Variants in TASOR2 observed in about 807,000 individuals in gnomAD.
TASOR2 encodes the protein protein TASOR 2.
In TASOR2, 84 loss-of-function variants were observed where a neutral mutation model predicts 199.5. That is an observed-to-expected ratio of 0.42 (90% CI 0.35 to 0.50). The LOEUF (loss-of-function observed/expected upper bound fraction) is 0.50, where lower values mean the gene tolerates loss of function less well. TASOR2 is among the 20% of genes least tolerant of loss of function. The pLI is 0.02. For synonymous variants in TASOR2, 1,103 were observed against 1,046.6 expected (o/e 1.05, Z -1.04); for missense variants, 2,796 against 2,835.9 (o/e 0.99, Z 0.32).
intron 2 of TASOR2, among the ~76,000 whole-genome samples, chr10:5,716,339 A>G (rs1832627937): frequency 1.3e-5 from 2 of 152,200 alleles, no homozygotes; most frequent in Non-Finnish European, 2.9e-5. Flanking sequence ...ACATACATGT[A>G]CAAGTTTTTG....
rs1051171114 is a variant in TASOR2 at position 5,753,572 on chromosome 10, G to A, written c.6607-3041G>A. ...GTAGAGATGGAGTTTCACCGTGTTAGGATGGTCTCAATCTCCTGACCTTGT... is the reference window on the plus strand; with the variant it reads ...GTAGAGATGGAGTTTCACCGTGTTAAGATGGTCTCAATCTCCTGACCTTGT... On this transcript the variant is annotated intron_variant, in intron 15 of 20. Coordinates refer to ENST00000328090, the Ensembl canonical transcript of TASOR2. Among the ~76,000 whole-genome samples, 8 of 152,156 alleles carry A rather than the reference G, an allele frequency of 5.3e-5. 1 individual carries two copies. Among genetic ancestry groups the A allele is most frequent in the Non-Finnish European group, 1.2e-4 (8 of 68,040 alleles).
chr10:5,721,300 C>T (rs1833327237), intron 6 of TASOR2, among the ~76,000 whole-genome samples: 1 of 152,054 alleles, frequency 6.6e-6, no homozygotes. Flanking sequence ...TTAACATTTG[C>T]AGTATCTGAT....
At chr10:5,712,609 T>G in intron 1 of TASOR2, 1 of 1,189,298 alleles carries the variant, frequency 8.4e-7, no homozygotes, top group African/African-American at 1.6e-5. Flanking sequence ...TCATTTTTGG[T>G]ATATAAGCCT....
intron 11 of TASOR2, 149 bp from the exon 13 acceptor site, chr10:5,735,155 T>C: frequency 1.1e-6 from 1 of 925,726 alleles, no homozygotes; most frequent in Non-Finnish European, 1.6e-6. Flanking sequence ...TTAAAATCTT[T>C]TAATTAAATA....
intron 1 of TASOR2, among the ~76,000 whole-genome samples, chr10:5,695,873 T>G (rs1298935328): frequency 6.6e-6 from 1 of 152,178 alleles, no homozygotes; most frequent in Non-Finnish European, 1.5e-5. Context: ...ATTGGGGGTA[T>G]CAAGTACAGG....
chr10:5,754,417 T>A lies in TASOR2; in HGVS notation c.6607-2196T>A, dbSNP rs1406533342. ...TTTTTTTTTTTAATTGAGATGAAGT[T>A]TTGCTCTTGTCGCCCAGGCTGGAGT... On this transcript the variant is annotated intron_variant, in intron 15 of 20. Transcript: ENST00000328090. This position sits in a 1 kb window ranked among gnomAD's most constrained non-coding sequence, Gnocchi z 4.3. Among the ~76,000 whole-genome samples, 3 of 151,840 alleles carry A rather than the reference T, an allele frequency of 2.0e-5. No individual in the cohort carries two copies. The highest frequency in any genetic ancestry group is 4.4e-5 in the Non-Finnish European group (3 of 67,916).
chr10:5,757,746 T>A, intron 17 of TASOR2, 73 bp downstream of exon 18: 1 of 1,499,830 alleles, frequency 6.7e-7, no homozygotes, highest in Non-Finnish European at 9.2e-7. Flanking sequence ...AAATACTGTT[T>A]CATCCAAAAG....
At chr10:5,715,562 C>G (rs1410771501) in intron 2 of TASOR2, among the ~76,000 whole-genome samples, 2 of 151,766 alleles carry the variant, frequency 1.3e-5, no homozygotes, top group East Asian at 3.9e-4. Flanking sequence ...TACTTCATTC[C>G]TTTTTATGAT....
rs767916687 is a variant in TASOR2, at chr10:5,751,545, G to A, written c.6606+1518G>A. Among the ~76,000 whole-genome samples, 5 of 152,218 alleles carry A rather than the reference G, an allele frequency of 3.3e-5. No individual in the cohort carries two copies. Among genetic ancestry groups the A allele is most frequent in the African/African-American group, 4.8e-5 (2 of 41,450 alleles). Reference sequence around the variant, plus strand: ...ACCCAGCCAGTGGGAGTCCCTTTAAGTTGGCTTCTGTGTCCTTTTGACAAT... The same window carrying A: ...ACCCAGCCAGTGGGAGTCCCTTTAAATTGGCTTCTGTGTCCTTTTGACAAT... On this transcript the variant is annotated intron_variant, in intron 15 of 20. Transcript: ENST00000328090. The surrounding 1 kb of genome is among the most constrained non-coding windows in gnomAD (Gnocchi z 5.3).
chr10:5,747,710 C>G, exon 15 of TASOR2: 1 of 1,614,160 alleles, frequency 6.2e-7, no homozygotes, highest in Non-Finnish European at 8.5e-7. Context: ...CTTCATGGTA[C>G]ACAGTGTGAG....
chr10:5,737,507 C>A lies in TASOR2; in HGVS notation c.1447+1961C>A, dbSNP rs943901287. Among the ~76,000 whole-genome samples, 7 of 151,848 alleles carry A rather than the reference C, an allele frequency of 4.6e-5. No individual in the cohort carries two copies. Among genetic ancestry groups the A allele is most frequent in the Admixed American group, 2.0e-4 (3 of 15,240 alleles). On this transcript the variant is annotated intron_variant, in intron 12 of 20. Transcript: ENST00000328090. This position sits in a 1 kb window ranked among gnomAD's most constrained non-coding sequence, Gnocchi z 4.9. Reference sequence around the variant, plus strand: ...CTGCGTTGTGCCTCTGCTGTTGCCACCGTGCTCCTTCCCCTGCGGCCCTCT... The same window carrying A: ...CTGCGTTGTGCCTCTGCTGTTGCCAACGTGCTCCTTCCCCTGCGGCCCTCT...
chr10:5,724,522 A>T (rs1204497267), exon 8 of TASOR2: 3 of 1,444,066 alleles, frequency 2.1e-6, no homozygotes, highest in East Asian at 2.7e-5. Flanking sequence ...ATGTATTAAA[A>T]ACAAGCAATT....
In TASOR2 at chr10:5,752,167, C is replaced by T. The variant is rs1294762788; in HGVS notation, c.6606+2140C>T. On this transcript the variant is annotated intron_variant, in intron 15 of 20. Coordinates refer to ENST00000328090, the Ensembl canonical transcript of TASOR2. The surrounding 1 kb of genome is among the most constrained non-coding windows in gnomAD (Gnocchi z 4.4). ...CCTGTTTAGTATCTACCTCAGAGCC[C>T]CAACATGTGCAGGTGGGGGGGATGT... Among the ~76,000 whole-genome samples, 4 of 152,146 alleles carry T rather than the reference C, an allele frequency of 2.6e-5. No individual in the cohort carries two copies. The highest frequency in any genetic ancestry group is 4.8e-5 in the African/African-American group (2 of 41,414).
chr10:5,693,425 G>T (rs1249153257), intron 1 of TASOR2, among the ~76,000 whole-genome samples: 1 of 152,218 alleles, frequency 6.6e-6, no homozygotes. Flanking sequence ...TATGTGGCAA[G>T]AAATTTTTTA....
At chr10:5,746,276 G>A in exon 15 of TASOR2, 2 of 1,613,988 alleles carry the variant, frequency 1.2e-6, no homozygotes, top group Non-Finnish European at 1.7e-6. Context: ...TCTGTTCCTA[G>A]TGAAGAAGAA....
chr10:5,700,603 T>C (rs1437397292), intron 1 of TASOR2, among the ~76,000 whole-genome samples: 1 of 152,200 alleles, frequency 6.6e-6, no homozygotes, highest in Non-Finnish European at 1.5e-5. Flanking sequence ...TCATTATTGC[T>C]TGTCCTTTTA....
chr10:5,747,183 G>A (rs190200328), exon 15 of TASOR2: 214 of 1,613,982 alleles, frequency 1.3e-4, no homozygotes, highest in Non-Finnish European at 1.5e-4. Flanking sequence ...ATTTGGAAGC[G>A]TTTGATTCAG....
intron 1 of TASOR2, among the ~76,000 whole-genome samples, chr10:5,700,731 T>G (rs564819502): frequency 6.6e-6 from 1 of 152,166 alleles, no homozygotes; most frequent in Non-Finnish European, 1.5e-5. Flanking sequence ...TATGTCTTCT[T>G]TTGAAAAATG....
At position 5,719,136 on chromosome 10, in the gene TASOR2, A is replaced by C. The variant is rs957047147; in HGVS notation, c.-100+1386A>C. Among the ~76,000 whole-genome samples, 5 of 152,150 alleles carry C rather than the reference A, an allele frequency of 3.3e-5. No homozygotes were observed. The highest frequency in any genetic ancestry group is 1.3e-4 in the Admixed American group (2 of 15,274). On this transcript the variant is annotated intron_variant, in intron 3 of 20. Coordinates refer to ENST00000328090, the Ensembl canonical transcript of TASOR2. This position sits in a 1 kb window ranked among gnomAD's most constrained non-coding sequence, Gnocchi z 4.1. Reference sequence around the variant, plus strand: ...GTCTGTAAATGAAGAGGCAGGACTTAAACAACAACAAAACATCTTCTTTTT... The same window carrying C: ...GTCTGTAAATGAAGAGGCAGGACTTCAACAACAACAAAACATCTTCTTTTT...
Sources: allele counts gnomAD v4.1 joint callset (sites outside exome capture counted in the v4.1 genomes callset), GRCh38; gene constraint gnomAD v4.1.1; non-coding constraint Gnocchi (gnomAD v3.1); transcripts MANE v1.5; gene names NCBI Gene and HGNC (gene_info 2026-07-23, HGNC 2026-07-21).